TET2: variants seen among roughly 807,000 people sequenced by gnomAD.
TET2 encodes the protein tet methylcytosine dioxygenase 2.
TET2 carries 299 observed loss-of-function variants against 142.9 expected under a neutral mutation model. The observed-to-expected ratio is 2.09, with a 90% CI of 1.90 to 2.30. The LOEUF (loss-of-function observed/expected upper bound fraction) is 2.30, where lower values mean the gene tolerates loss of function less well. Among genes scored for constraint, TET2 ranks in the 30% most tolerant of loss-of-function variants. The probability of loss-of-function intolerance (pLI) is 0.00; values close to 1 mark genes in which losing one functional copy is unlikely to be tolerated. For synonymous variants in TET2, 819 were observed against 849.0 expected, an observed-to-expected ratio of 0.96 and a Z score of 0.61; for missense variants, 2,418 against 2,378.0, an observed-to-expected ratio of 1.02 and a Z score of -0.35.
intron 10 of TET2, 89 bp downstream of exon 10, chr4:105,273,007 T>C: frequency 9.7e-7 from 1 of 1,035,442 alleles, no homozygotes; most frequent in South Asian, 1.7e-5. Flanking sequence ...CATCAACTTG[T>C]AAGTTCTGGG....
intron 1 of TET2, among the ~76,000 whole-genome samples, chr4:105,160,025 T>G (rs151203134): frequency 2.0e-5 from 3 of 152,198 alleles, no homozygotes; most frequent in Admixed American, 2.0e-4. Flanking sequence ...AATCTTGATA[T>G]TTGTATGCAT....
chr4:105,238,002 G>T, intron 3 of TET2: 1 of 859,706 alleles, frequency 1.2e-6, no homozygotes, highest in Non-Finnish European at 1.5e-6. Context: ...AGATATTGTG[G>T]GTTTGGCTCC....
Position 105,215,764 on chromosome 4 carries a change from A to C in TET2, c.-46-18133A>C, listed in dbSNP as rs577338617. 6.6e-5 allele frequency among the ~76,000 whole-genome samples: 10 copies of C among 152,296 alleles called. No individual in the cohort carries two copies. The East Asian group carries it at 1.9e-3, about 29-fold the overall frequency. ...CTTCATGCTACATCTTACCACAAAG[A>C]GAACATTGAAACATGGGAAAGAGTT... On this transcript the variant is annotated intron_variant, in intron 2 of 10. Coordinates refer to ENST00000380013, the MANE Select transcript of TET2 (RefSeq NM_001127208.3).
intron 1 of TET2, chr4:105,178,080 T>TC (rs1457388064): frequency 6.6e-6 from 1 of 151,240 alleles, no homozygotes; most frequent in East Asian, 1.9e-4. Context: ...AGAGCAAAAC[T>TC]CCATCTCAAA....
intron 1 of TET2, among the ~76,000 whole-genome samples, chr4:105,188,234 G>T (rs1051867317): frequency 3.3e-5 from 5 of 152,132 alleles, no homozygotes; most frequent in African/African-American, 1.2e-4. Context: ...AATGGATCTT[G>T]TATACATTCT....
chr4:105,166,747 C>T (rs1269031136), intron 1 of TET2, among the ~76,000 whole-genome samples: 1 of 151,994 alleles, frequency 6.6e-6, no homozygotes, highest in Non-Finnish European at 1.5e-5. Context: ...GTAATTTTCT[C>T]TCAGAGCTTG....
In TET2 at chr4:105,276,061, G is replaced by T; in HGVS notation, c.5551G>T (p.Glu1851Ter). The change falls in exon 11 of 11, where the codon GAG (glutamate) becomes TAG (stop). Residue 1851 changes from glutamate (E) to a stop codon, truncating the protein, a stop_gained. Transcript: ENST00000380013. LOFTEE classifies it high-confidence loss of function. ...CAACGATGAGGTCTGGTCAGACAGC[G>T]AGCAGAGCTTTCTGGATCCTGACAT... ...EDNDEVWSDS[E>*]QSFLDPDIGG... is the part of the protein sequence containing the mutation. 3 of 1,551,696 alleles carry T rather than the reference G, an allele frequency of 1.9e-6. No homozygotes were observed. The highest frequency in any genetic ancestry group is 2.6e-6 in the Non-Finnish European group (3 of 1,146,984).
intron 2 of TET2, among the ~76,000 whole-genome samples, chr4:105,208,874 C>A (rs1726979256): frequency 6.6e-6 from 1 of 151,440 alleles, no homozygotes; most frequent in Non-Finnish European, 1.5e-5. Flanking sequence ...GAACTGTCAG[C>A]AAACAATCTC....
In TET2 at chr4:105,235,149, C is replaced by G. The variant is rs1728769861; in HGVS notation, c.1207C>G (p.Gln403Glu). 6.2e-7 allele frequency: 1 copy of G among 1,613,738 alleles called. No homozygotes were observed. The highest frequency in any genetic ancestry group is 8.5e-7 in the Non-Finnish European group (1 of 1,179,822). Reference protein sequence around the residue: ...SATTTPPPPSQLLLSPPPPLP... With the variant: ...SATTTPPPPSELLLSPPPPLP... ...CACTACCACACCACCACCACCATCA[C>G]AATTGCTTCTTTCTCCCCCTCCTCC... is the stretch of plus-strand genomic sequence containing the variant. Residue 403 changes from glutamine to glutamate, a missense_variant, in exon 3 of 11, where the codon CAA becomes GAA. By Grantham distance (29) the Gln-to-Glu change is conservative (BLOSUM62 2). Transcript: ENST00000380013.
At chr4:105,215,058 TTGG>T (rs1727415005) in intron 2 of TET2, among the ~76,000 whole-genome samples, 1 of 151,992 alleles carries the variant, frequency 6.6e-6, no homozygotes, top group South Asian at 2.1e-4. Context: ...GGGAATTAAA[TTGG>T]AGGACACCCA....
chr4:105,158,402 C>A (rs1247741013), intron 1 of TET2, among the ~76,000 whole-genome samples: 4 of 152,106 alleles, frequency 2.6e-5, no homozygotes, highest in Non-Finnish European at 4.4e-5. Context: ...TACTTGTTTT[C>A]TGTTCACAAA....
rs1731358627 is a variant in TET2, at chr4:105,279,392, A to G, written c.*2873A>G. 4.3e-6 allele frequency: 1 copy of G among 232,338 alleles called. No individual in the cohort carries two copies. Among genetic ancestry groups the G allele is most frequent in the African/African-American group, 2.2e-5 (1 of 45,278 alleles). 14.4% of individuals were successfully genotyped at this position (232,338 alleles called of 1,614,324 possible). On this transcript the variant is annotated 3_prime_UTR_variant, in exon 11 of 11. Coordinates refer to ENST00000380013, the MANE Select transcript of TET2 (RefSeq NM_001127208.3). ...TATAAAACCTGCCTCAGTTAGAATGAATGGAAAGCAGATCTACAATTTGCT... is the reference window on the plus strand; with the variant it reads ...TATAAAACCTGCCTCAGTTAGAATGGATGGAAAGCAGATCTACAATTTGCT...
rs1299795565 is a variant in TET2, at chr4:105,235,352, C to T, written c.1410C>T (p.Cys470=). 1 of 1,614,138 alleles carries T rather than the reference C, an allele frequency of 6.2e-7. No individual in the cohort carries two copies. The highest frequency in any genetic ancestry group is 8.5e-7 in the Non-Finnish European group (1 of 1,179,990). The change falls in exon 3 of 11, where the codon TGC becomes TGT. Residue 470 remains cysteine (C), a synonymous_variant. Coordinates refer to ENST00000380013, the MANE Select transcript of TET2 (RefSeq NM_001127208.3). The part of the protein sequence containing the change: ...SQSPNPSTHV[C]SPSPMLSERP... ...GTCCTAATCCATCTACACATGTATGCAGCCCTTCTCCGATGCTTTCTGAAA... is the reference window on the plus strand; with the variant it reads ...GTCCTAATCCATCTACACATGTATGTAGCCCTTCTCCGATGCTTTCTGAAA...
rs1035436942 is a variant in TET2 at position 105,235,413 on chromosome 4, C to T, written c.1471C>T (p.Gln491Ter). 2 of 1,614,060 alleles carry T rather than the reference C, an allele frequency of 1.2e-6. No homozygotes were observed. Among genetic ancestry groups the T allele is most frequent in the South Asian group, 1.1e-5 (1 of 91,092 alleles). The stretch of plus-strand genomic sequence containing the variant: ...TAATTGTGTGAACAGGAATGACATA[C>T]AGACTGCAGGGACAATGACTGTTCC... ...QNNCVNRNDI[Q>*]TAGTMTVPLC... Residue 491 changes from glutamine to a stop codon, truncating the protein, a stop_gained, in exon 3 of 11, where the codon CAG (glutamine) becomes TAG (stop). Coordinates refer to ENST00000380013, the MANE Select transcript of TET2 (RefSeq NM_001127208.3). LOFTEE classifies it high-confidence loss of function.
chr4:105,236,603 G>A lies in TET2; in HGVS notation c.2661G>A (p.Glu887=), dbSNP rs2110234699. The change falls in exon 3 of 11, where the codon GAG becomes GAA. Residue 887 remains glutamate, a synonymous_variant. Transcript: ENST00000380013. ...TTCACAGGTGCTTTCAAGAACAGGA[G>A]CAGAAGTCACAACAAGCTTCAGTTC... ...DLLHRCFQEQ[E]QKSQQASVLQ... is the part of the protein sequence containing the mutation. 2.5e-6 allele frequency: 4 copies of A among 1,614,090 alleles called. No individual in the cohort carries two copies. The highest frequency in any genetic ancestry group is 3.4e-6 in the Non-Finnish European group (4 of 1,179,998).
intron 5 of TET2, among the ~76,000 whole-genome samples, chr4:105,243,237 A>G (rs1286292195): frequency 1.3e-5 from 2 of 152,140 alleles, no homozygotes; most frequent in Non-Finnish European, 2.9e-5. Flanking sequence ...TTATATTGTC[A>G]TTTATGAAAA....
At chr4:105,146,376 C>G (rs1475211995), upstream of TET2, 3 of 152,532 alleles carry the variant, frequency 2.0e-5, no homozygotes, top group South Asian at 2.1e-4. Context: ...CCGCCGAGGT[C>G]CCCGGGGTTC....
At chr4:105,190,871 C>T (rs1289843628) in intron 2 of TET2, among the ~76,000 whole-genome samples, 1 of 152,124 alleles carries the variant, frequency 6.6e-6, no homozygotes, top group South Asian at 2.1e-4. Flanking sequence ...CACTTGTAGC[C>T]ACTTCGTCTC....
At chr4:105,260,199 A>G (rs765308652) in intron 7 of TET2, among the ~76,000 whole-genome samples, 2 of 152,152 alleles carry the variant, frequency 1.3e-5, no homozygotes, top group Non-Finnish European at 2.9e-5. Flanking sequence ...TAATGAATGC[A>G]TTTAAGTAAC....
Sources: allele counts gnomAD v4.1 joint callset (sites outside exome capture counted in the v4.1 genomes callset), GRCh38; gene constraint gnomAD v4.1.1; transcripts MANE v1.5; gene names NCBI Gene and HGNC (gene_info 2026-07-23, HGNC 2026-07-21).